ATP8A2: variants seen among roughly 807,000 people sequenced by gnomAD.
The protein encoded by ATP8A2 is phospholipid-transporting ATPase IB.
In ATP8A2, 100 loss-of-function variants were observed where a neutral mutation model predicts 165.6. That is an observed-to-expected ratio of 0.60 (90% CI 0.51 to 0.71). ATP8A2 has a LOEUF of 0.71. Among genes scored for constraint, ATP8A2 ranks in the 30% least tolerant of loss-of-function variants. The pLI is 0.00. For synonymous variants in ATP8A2, 543 were observed against 548.8 expected (o/e 0.99, Z 0.15); for missense variants, 1,227 against 1,479.5 (o/e 0.83, Z 2.80).
intron 12 of ATP8A2, among the ~76,000 whole-genome samples, chr13:25,554,511 ATGTGTGTG>A (rs145376745): frequency 7.1e-6 from 1 of 141,236 alleles, no homozygotes; most frequent in Non-Finnish European, 1.5e-5. Flanking sequence ...AATATAAATC[ATGTGTGTG>A]TGTGTGTGTA....
Position 26,024,264 on chromosome 13 carries a change from C to T in ATP8A2, c.*4279C>T, listed in dbSNP as rs4363721. 0.97 allele frequency: 147,735 copies of T among 152,214 alleles called. 71,705 individuals carry two copies. The highest frequency in any genetic ancestry group is 1 in the East Asian group (5,140 of 5,158). The allele number at this position is 152,214 out of a possible 1,614,324, so 9.4% of individuals were successfully genotyped here. A position where few individuals can be genotyped will look rare whatever the true frequency, so the allele number is the denominator to read the frequency against. On this transcript the variant is annotated 3_prime_UTR_variant, in exon 37 of 37. Coordinates refer to ENST00000381655, the MANE Select transcript of ATP8A2 (RefSeq NM_016529.6). ...AGACCCCCATAATGACATCATTAGG[C>T]ATTCTTGAAAGGTGTTAACAGACCA...
intron 33 of ATP8A2, chr13:25,867,829 C>T (rs1169221236): frequency 5.5e-6 from 1 of 183,240 alleles, no homozygotes; most frequent in Admixed American, 6.0e-5. Context: ...ATGGGTCAGC[C>T]ACAGGAGGAA....
intron 24 of ATP8A2, among the ~76,000 whole-genome samples, chr13:25,646,730 A>G (rs1227694319): frequency 6.6e-6 from 1 of 151,398 alleles, no homozygotes; most frequent in Non-Finnish European, 1.5e-5. Flanking sequence ...ATCAATTTAC[A>G]TTCAAGGTAA....
chr13:25,929,581 G>A lies in ATP8A2; in HGVS notation c.3184-31994G>A, dbSNP rs149185053. Among the ~76,000 whole-genome samples, 412 of 152,246 alleles carry A rather than the reference G, an allele frequency of 2.7e-3. 2 individuals are homozygous for A. Among genetic ancestry groups the A allele is most frequent in the African/African-American group, 9.6e-3 (398 of 41,548 alleles). On this transcript the variant is annotated intron_variant, in intron 33 of 36. Transcript: ENST00000381655. ...TTTTCAAAAAACCTTGCCAGCGGCC[G>A]GGCTCAGTGGCTCATGCCAGTAATC...
At chr13:25,460,635 C>CAG (rs1164519704) in intron 1 of ATP8A2, among the ~76,000 whole-genome samples, 1 of 152,134 alleles carries the variant, frequency 6.6e-6, no homozygotes, top group Non-Finnish European at 1.5e-5. Context: ...TTTTGAGGAA[C>CAG]AGAAGCCCAG....
At chr13:25,378,315 T>A (rs925007343) in intron 1 of ATP8A2, among the ~76,000 whole-genome samples, 1 of 151,542 alleles carries the variant, frequency 6.6e-6, no homozygotes, top group African/African-American at 2.4e-5. Flanking sequence ...AAAAGTGATC[T>A]AATCCTCATT....
chr13:25,728,039 C>A (rs1036905368), intron 25 of ATP8A2, among the ~76,000 whole-genome samples: 2 of 152,216 alleles, frequency 1.3e-5, no homozygotes, highest in African/African-American at 4.8e-5. Flanking sequence ...AGGATCAGGT[C>A]ACCCACAAGT....
intron 2 of ATP8A2, among the ~76,000 whole-genome samples, chr13:25,478,491 A>C (rs1436544890): frequency 6.6e-6 from 1 of 152,220 alleles, no homozygotes; most frequent in Non-Finnish European, 1.5e-5. Flanking sequence ...TGTTTAACAA[A>C]GAAATTTCCT....
At chr13:25,685,778 G>C (rs997706103) in intron 24 of ATP8A2, among the ~76,000 whole-genome samples, 2 of 152,188 alleles carry the variant, frequency 1.3e-5, no homozygotes, top group African/African-American at 4.8e-5. Context: ...TTCTTATTCA[G>C]ATGGAGACCA....
intron 30 of ATP8A2, among the ~76,000 whole-genome samples, chr13:25,850,510 A>C: frequency 7.0e-6 from 1 of 143,086 alleles, no homozygotes; most frequent in Non-Finnish European, 1.5e-5. Flanking sequence ...CCCCCATACT[A>C]CTTTCTCTGA....
At chr13:25,681,639 A>T (rs1460465152) in intron 24 of ATP8A2, among the ~76,000 whole-genome samples, 1 of 152,206 alleles carries the variant, frequency 6.6e-6, no homozygotes, top group Non-Finnish European at 1.5e-5. Flanking sequence ...GAAAAAGAAA[A>T]ATAGAGGTAG....
chr13:25,541,396 AC>A (rs2038472905), intron 8 of ATP8A2, among the ~76,000 whole-genome samples: 1 of 152,098 alleles, frequency 6.6e-6, no homozygotes, highest in South Asian at 2.1e-4. Flanking sequence ...GATGGCACAT[AC>A]CTGTAGTCCC....
chr13:25,792,253 T>A (rs1219711128), intron 27 of ATP8A2, among the ~76,000 whole-genome samples: 1 of 152,246 alleles, frequency 6.6e-6, no homozygotes, highest in Non-Finnish European at 1.5e-5. Flanking sequence ...GCTTTCATTT[T>A]TTGGCAGCCC....
intron 33 of ATP8A2, among the ~76,000 whole-genome samples, chr13:25,887,881 T>G (rs1953209613): frequency 6.6e-6 from 1 of 152,222 alleles, no homozygotes; most frequent in Non-Finnish European, 1.5e-5. Context: ...ATCAATATGT[T>G]TTTGAATCTC....
chr13:25,422,846 C>T (rs1204719360), intron 1 of ATP8A2, among the ~76,000 whole-genome samples: 1 of 152,224 alleles, frequency 6.6e-6, no homozygotes, highest in Non-Finnish European at 1.5e-5. Flanking sequence ...TGAGGTTGCA[C>T]AGGCTGTTGC....
intron 30 of ATP8A2, among the ~76,000 whole-genome samples, chr13:25,843,199 C>T (rs1212245466): frequency 1.3e-5 from 2 of 152,110 alleles, no homozygotes; most frequent in Non-Finnish European, 1.5e-5. Flanking sequence ...AAGGAACATT[C>T]CTGGCCAGGA....
intron 1 of ATP8A2, among the ~76,000 whole-genome samples, chr13:25,459,728 G>A (rs1053166653): frequency 5.9e-5 from 9 of 152,170 alleles, no homozygotes; most frequent in African/African-American, 2.2e-4. Context: ...TGAAGAAAAA[G>A]CAAGTACCAG....
At chr13:25,891,833 C>A (rs1056607322) in intron 33 of ATP8A2, among the ~76,000 whole-genome samples, 1 of 152,002 alleles carries the variant, frequency 6.6e-6, no homozygotes. Flanking sequence ...ACAAGATTTT[C>A]TTTTGTCTGA....
chr13:25,526,592 A>G (rs2037848509), intron 2 of ATP8A2, among the ~76,000 whole-genome samples: 1 of 152,146 alleles, frequency 6.6e-6, no homozygotes, highest in Non-Finnish European at 1.5e-5. Flanking sequence ...TCCATCCCAA[A>G]TGGAAATGGT....
Sources: gnomAD v4.1 joint callset for allele counts (sites outside exome capture counted in the v4.1 genomes callset) on GRCh38, gnomAD v4.1.1 for gene constraint, MANE v1.5 for transcripts, NCBI Gene and HGNC (gene_info 2026-07-23, HGNC 2026-07-21) for gene names.